The following TBX19 variants were observed in gnomAD, a reference collection of about 807,000 sequenced individuals.
The protein encoded by TBX19 is T-box transcription factor 19, also known as T-box transcription factor TBX19.
Under a neutral mutation model 40.9 loss-of-function variants are expected in TBX19, and 33 were observed. The observed-to-expected ratio is 0.81, with a 90% confidence interval of 0.61 to 1.08. The LOEUF (loss-of-function observed/expected upper bound fraction) is 1.08, where lower values mean the gene tolerates loss of function less well. Among genes scored for constraint, TBX19 ranks in the 50% least tolerant of loss-of-function variants. The pLI is 0.00. For synonymous variants in TBX19, 220 were observed against 225.0 expected (o/e 0.98, Z 0.20); for missense variants, 494 against 574.0 (o/e 0.86, Z 1.42).
chr1:168,293,010 G>GC, intron 2 of TBX19, 134 bp from the exon 3 acceptor site: 3 of 1,451,914 alleles, frequency 2.1e-6, no homozygotes, highest in Non-Finnish European at 2.8e-6. Context: ...AGCTCAGGTG[G>GC]CCTAGGATTT....
In TBX19 at chr1:168,312,799, C is replaced by G; in HGVS notation, c.1144C>G (p.Leu382Val). Reference sequence around the variant, plus strand: ...GCACGCCAGCACCCCAGGAGCATTTCTCCTCGGAAACCCAGCTGTGACTTC... The same window carrying G: ...GCACGCCAGCACCCCAGGAGCATTTGTCCTCGGAAACCCAGCTGTGACTTC... ...EVHASTPGAFLLGNPAVTSPP... is the reference protein window; with the variant it reads ...EVHASTPGAFVLGNPAVTSPP... Residue 382 changes from leucine to valine, a missense_variant, in exon 8 of 8, where the codon CTC becomes GTC. Coordinates refer to ENST00000367821, the MANE Select transcript of TBX19 (RefSeq NM_005149.3). The G allele has an allele frequency of 6.2e-7, 1 of 1,614,274 alleles. No individual in the cohort carries two copies. The highest frequency in any genetic ancestry group is 2.2e-5 in the East Asian group (1 of 44,892).
chr1:168,281,330 C>G (rs1648644294), intron 1 of TBX19, 37 bp downstream of exon 1: 8 of 1,594,664 alleles, frequency 5.0e-6, no homozygotes, highest in African/African-American at 2.7e-5. Flanking sequence ...GCTGGCAGGG[C>G]TTGGCAGGAG....
In TBX19 at chr1:168,281,314, G is replaced by A. The variant is rs761783013; in HGVS notation, c.203+21G>A. On this transcript the variant is annotated intron_variant, in intron 1 of 7. Coordinates refer to ENST00000367821, the MANE Select transcript of TBX19 (RefSeq NM_005149.3). ...GGCAGGTGAGTTTATCTGCCGCCCCGCGTGGGCTGGCAGGGCTTGGCAGGA... is the reference window on the plus strand; with the variant it reads ...GGCAGGTGAGTTTATCTGCCGCCCCACGTGGGCTGGCAGGGCTTGGCAGGA... 25 of 1,611,148 alleles carry A rather than the reference G, an allele frequency of 1.6e-5. No homozygotes were observed. The Admixed American group carries it at 2.2e-4, about 14-fold the overall frequency.
intron 4 of TBX19, 119 bp from the exon 5 acceptor site, chr1:168,300,303 G>A (rs1461345554): frequency 2.2e-6 from 2 of 893,480 alleles, no homozygotes; most frequent in Non-Finnish European, 3.7e-6. Flanking sequence ...TAGGAAAAAG[G>A]TGTTTGGTTT....
chr1:168,301,939 T>C lies in TBX19; in HGVS notation c.727+1456T>C, dbSNP rs187984389. 4.3e-3 allele frequency among the ~76,000 whole-genome samples: 660 copies of C among 152,336 alleles called. 4 individuals carry two copies. The highest frequency in any genetic ancestry group is 0.015 in the African/African-American group (617 of 41,572). ...AAGCTGCTCCTCACACTCACATCCC[T>C]CTGGGTCTGATAAATTTTGCATGCC... On this transcript the variant is annotated intron_variant, in intron 5 of 7. Transcript: ENST00000367821.
At position 168,313,253 on chromosome 1, in the gene TBX19, T is replaced by G; in HGVS notation, c.*251T>G. The G allele has an allele frequency of 1.8e-6, 1 of 570,136 alleles. No individual in the cohort carries two copies. The allele number at this position is 570,136 out of a possible 1,614,324, so 35.3% of individuals were successfully genotyped here. A position where few individuals can be genotyped will look rare whatever the true frequency, so the allele number is the denominator to read the frequency against. On this transcript the variant is annotated 3_prime_UTR_variant, in exon 8 of 8. Transcript: ENST00000367821. Reference sequence around the variant, plus strand: ...GCAGCTTATTCTTGCCATGCTTAGGTGACAGAAGTTTGTTAAGTACCATCC... The same window carrying G: ...GCAGCTTATTCTTGCCATGCTTAGGGGACAGAAGTTTGTTAAGTACCATCC...
At position 168,311,407 on chromosome 1, in the gene TBX19, G is replaced by C. The variant is rs140119463; in HGVS notation, c.1053-1301G>C. ...CCACTGGCCCAGGAGGCATCAGAAA[G>C]GGTCTGTAAGAGATAATGTAGAAGA... On this transcript the variant is annotated intron_variant, in intron 7 of 7. Coordinates refer to ENST00000367821, the MANE Select transcript of TBX19 (RefSeq NM_005149.3). Among the ~76,000 whole-genome samples the C allele has an allele frequency of 3.0e-3, 461 of 152,294 alleles. 3 individuals carry two copies. Among genetic ancestry groups the C allele is most frequent in the African/African-American group, 0.01 (428 of 41,568 alleles).
rs57039241 is a variant in TBX19 at position 168,293,284 on chromosome 1, AGTGTGTGTGTGTGTGTGT to A, written c.603+31_603+48del. ...CTGCCTATCAGAATGAGGAGGTAAG[AGTGTGTGTGTGTGTGTGT>A]GTGTGTGTGTGTGTGTGTGTGTGTA... is the stretch of plus-strand genomic sequence containing the variant. On this transcript the variant is annotated splice_region_variant and intron_variant, in intron 3 of 7. Coordinates refer to ENST00000367821, the MANE Select transcript of TBX19 (RefSeq NM_005149.3). The A allele has an allele frequency of 7.7e-5, 102 of 1,321,912 alleles. No homozygotes were observed. Among genetic ancestry groups the A allele is most frequent in the South Asian group, 1.4e-4 (11 of 76,410 alleles). The allele number at this position is 1,321,912 out of a possible 1,614,324, so 81.9% of individuals were successfully genotyped here.
At chr1:168,306,713 A>G (rs1300301204) in intron 6 of TBX19, among the ~76,000 whole-genome samples, 1 of 151,720 alleles carries the variant, frequency 6.6e-6, no homozygotes, top group Non-Finnish European at 1.5e-5. Flanking sequence ...ATCCTAATGT[A>G]ATGCAGAAAC....
intron 7 of TBX19, among the ~76,000 whole-genome samples, chr1:168,311,105 C>T (rs900601861): frequency 6.6e-6 from 1 of 151,680 alleles, no homozygotes; most frequent in Admixed American, 6.6e-5. Flanking sequence ...TCTAGAGGAT[C>T]TGAGGGAAAA....
intron 6 of TBX19, 74 bp downstream of exon 6, chr1:168,305,270 C>A: frequency 6.9e-7 from 1 of 1,440,660 alleles, no homozygotes; most frequent in Non-Finnish European, 9.7e-7. Flanking sequence ...GGATAAACAG[C>A]TAGGAAAAGG....
At chr1:168,292,780 C>G (rs563321848) in intron 2 of TBX19, among the ~76,000 whole-genome samples, 4 of 145,054 alleles carry the variant, frequency 2.8e-5, no homozygotes, top group Non-Finnish European at 6.0e-5. Flanking sequence ...AGGAGAATGG[C>G]GTGAACCCGG....
At chr1:168,291,616 T>C (rs1292984540) in intron 2 of TBX19, among the ~76,000 whole-genome samples, 192 bp downstream of exon 2, 1 of 152,236 alleles carries the variant, frequency 6.6e-6, no homozygotes, top group Non-Finnish European at 1.5e-5. Flanking sequence ...CAGTTTTTAA[T>C]GGACTTCCTG....
At chr1:168,294,141 C>G (rs1356429485) in intron 3 of TBX19, among the ~76,000 whole-genome samples, 1 of 152,018 alleles carries the variant, frequency 6.6e-6, no homozygotes, top group Non-Finnish European at 1.5e-5. Flanking sequence ...CATAAATTGG[C>G]TCATGTTGTA....
chr1:168,281,516 G>A (rs1031067996), intron 1 of TBX19, among the ~76,000 whole-genome samples: 7 of 152,208 alleles, frequency 4.6e-5, no homozygotes, highest in Non-Finnish European at 1.0e-4. Flanking sequence ...ATTTTAAATG[G>A]AGAAATTCTG....
chr1:168,283,265 G>T (rs1048484397), intron 1 of TBX19, among the ~76,000 whole-genome samples: 4 of 152,136 alleles, frequency 2.6e-5, no homozygotes, highest in Non-Finnish European at 5.9e-5. Flanking sequence ...GGTGAACTTG[G>T]CTGTTCTTAT....
At chr1:168,308,302 A>G (rs1447859961) in intron 6 of TBX19, 1 of 250,530 alleles carries the variant, frequency 4.0e-6, no homozygotes, top group Non-Finnish European at 7.8e-6. Flanking sequence ...TGCTTGAGAT[A>G]TTTAAACCTA....
chr1:168,292,122 C>T (rs560699341), intron 2 of TBX19, among the ~76,000 whole-genome samples: 2 of 152,202 alleles, frequency 1.3e-5, no homozygotes, highest in African/African-American at 4.8e-5. Flanking sequence ...CTTCTCTTTC[C>T]CACCTGCCTG....
At chr1:168,310,953 G>T (rs990549166) in intron 7 of TBX19, among the ~76,000 whole-genome samples, 4 of 149,130 alleles carry the variant, frequency 2.7e-5, no homozygotes, top group Non-Finnish European at 5.9e-5. Flanking sequence ...ATAATATTTT[G>T]AATATTTTTG....
Sources: allele counts gnomAD v4.1 joint callset (sites outside exome capture counted in the v4.1 genomes callset), GRCh38; gene constraint gnomAD v4.1.1; transcripts MANE v1.5; gene names NCBI Gene and HGNC (gene_info 2026-07-23, HGNC 2026-07-21).